Variants in TBC1D32 observed in about 807,000 individuals in gnomAD.
TBC1D32 encodes TBC1 domain family member 32, also known as protein broad-minded.
In TBC1D32, 151 loss-of-function variants were observed where a neutral mutation model predicts 170.3. The observed-to-expected ratio is 0.89, with a 90% confidence interval of 0.78 to 1.01. The LOEUF (loss-of-function observed/expected upper bound fraction) is 1.01. TBC1D32 is among the 50% of genes least tolerant of loss of function. The probability of loss-of-function intolerance (pLI) is 0.00; values close to 1 mark genes in which losing one functional copy is unlikely to be tolerated. For missense variants in TBC1D32, 1,464 were observed against 1,457.1 expected, an observed-to-expected ratio of 1.00 and a Z score of -0.08; for synonymous variants, 498 against 488.0, an observed-to-expected ratio of 1.02 and a Z score of -0.27.
chr6:121,206,018 T>C (rs1293344405), intron 21 of TBC1D32, among the ~76,000 whole-genome samples: 1 of 152,102 alleles, frequency 6.6e-6, no homozygotes, highest in African/African-American at 2.4e-5. Context: ...GAGACCAGCC[T>C]GGCCAACATG....
At chr6:121,235,433 G>T (rs957523477) in intron 20 of TBC1D32, among the ~76,000 whole-genome samples, 1 of 152,152 alleles carries the variant, frequency 6.6e-6, no homozygotes, top group African/African-American at 2.4e-5. Flanking sequence ...TGGCTGCTGT[G>T]GGGGATGGGT....
chr6:121,305,025 A>C (rs10499106), intron 5 of TBC1D32, among the ~76,000 whole-genome samples, 192 bp from the exon 6 acceptor site: 61,792 of 151,974 alleles, frequency 0.41, 15,839 homozygotes, highest in Non-Finnish European at 0.58. Context: ...ACCAAAACTA[A>C]TATGTGAATC....
intron 20 of TBC1D32, among the ~76,000 whole-genome samples, chr6:121,225,148 G>A (rs542066700): frequency 7.9e-5 from 12 of 152,058 alleles, no homozygotes; most frequent in African/African-American, 1.4e-4. Flanking sequence ...AGAAAAACTG[G>A]AGGGTTCATA....
At chr6:121,329,217 T>C (rs940411296) in intron 1 of TBC1D32, among the ~76,000 whole-genome samples, 1 of 144,760 alleles carries the variant, frequency 6.9e-6, no homozygotes, top group African/African-American at 2.7e-5. Context: ...AAAATGCAAT[T>C]TTTTTTTCTA....
At chr6:121,275,262 T>C (rs975992257) in intron 15 of TBC1D32, among the ~76,000 whole-genome samples, 2 of 152,328 alleles carry the variant, frequency 1.3e-5, no homozygotes, top group Non-Finnish European at 1.5e-5. Context: ...GCACATTACT[T>C]GATAATATAA....
At chr6:121,278,003 T>C (rs1802465481) in intron 15 of TBC1D32, among the ~76,000 whole-genome samples, 1 of 152,128 alleles carries the variant, frequency 6.6e-6, no homozygotes, top group Non-Finnish European at 1.5e-5. Flanking sequence ...ACAGATTTGA[T>C]AATTTAGATA....
chr6:121,216,610 C>T (rs985177561), intron 21 of TBC1D32, among the ~76,000 whole-genome samples: 9 of 152,170 alleles, frequency 5.9e-5, no homozygotes, highest in Non-Finnish European at 1.3e-4. Context: ...ATTTGACACT[C>T]CTGATTCACT....
At chr6:121,258,782 A>C (rs1799382706) in intron 15 of TBC1D32, among the ~76,000 whole-genome samples, 1 of 152,158 alleles carries the variant, frequency 6.6e-6, no homozygotes, top group Admixed American at 6.5e-5. Context: ...TTTTATAGAC[A>C]GCTCAGTGCT....
intron 21 of TBC1D32, among the ~76,000 whole-genome samples, chr6:121,205,780 C>T (rs757613040): frequency 9.2e-5 from 14 of 152,128 alleles, no homozygotes; most frequent in Non-Finnish European, 1.9e-4. Flanking sequence ...CTTTTAAAAG[C>T]TCCCTGTGAT....
At chr6:121,120,177 C>G (rs1280054825) in intron 26 of TBC1D32, among the ~76,000 whole-genome samples, 1 of 151,850 alleles carries the variant, frequency 6.6e-6, no homozygotes, top group Non-Finnish European at 1.5e-5. Context: ...CATTTTTTGG[C>G]TTTACTATAA....
intron 24 of TBC1D32, among the ~76,000 whole-genome samples, chr6:121,153,360 A>C (rs529300197): frequency 6.6e-6 from 1 of 152,192 alleles, no homozygotes; most frequent in East Asian, 1.9e-4. Context: ...GTTCCTTCTT[A>C]TGGAATCTTC....
chr6:121,205,032 G>T, intron 22 of TBC1D32, 43 bp downstream of exon 22: 1 of 1,141,936 alleles, frequency 8.8e-7, no homozygotes, highest in Non-Finnish European at 1.2e-6. Context: ...TATTTTTTGT[G>T]GAACATAAAA....
At chr6:121,320,823 A>G (rs531774038) in intron 2 of TBC1D32, among the ~76,000 whole-genome samples, 1 of 152,326 alleles carries the variant, frequency 6.6e-6, no homozygotes, top group East Asian at 1.9e-4. Flanking sequence ...AGTCATTAAT[A>G]TAAGCTCAGG....
At chr6:121,240,616 C>T (rs976367167) in intron 19 of TBC1D32, among the ~76,000 whole-genome samples, 1 of 151,334 alleles carries the variant, frequency 6.6e-6, no homozygotes, top group African/African-American at 2.4e-5. Flanking sequence ...TGGCCGGGTG[C>T]GGTGGTTCAC....
At chr6:121,293,109 A>C (rs1805109320) in intron 11 of TBC1D32, among the ~76,000 whole-genome samples, 1 of 151,804 alleles carries the variant, frequency 6.6e-6, no homozygotes, top group Non-Finnish European at 1.5e-5. Context: ...AAGAGAAATG[A>C]GCAAGAATTT....
chr6:121,329,390 T>C (rs969793190), intron 1 of TBC1D32, among the ~76,000 whole-genome samples: 2 of 152,200 alleles, frequency 1.3e-5, no homozygotes, highest in African/African-American at 4.8e-5. Flanking sequence ...GGCTCACACC[T>C]GTAATCCCAG....
intron 15 of TBC1D32, among the ~76,000 whole-genome samples, chr6:121,267,762 T>C (rs142017319): frequency 0.018 from 2,668 of 151,870 alleles, 29 homozygotes; most frequent in South Asian, 0.042. Context: ...TTGAAGAGAG[T>C]AGTGGTTCTC....
chr6:121,137,166 G>A (rs1782186244), intron 24 of TBC1D32, among the ~76,000 whole-genome samples: 1 of 152,004 alleles, frequency 6.6e-6, no homozygotes, highest in African/African-American at 2.4e-5. Context: ...AAATAAGAAA[G>A]TAATTTATAT....
chr6:121,099,183 C>G (rs763952539), intron 30 of TBC1D32, among the ~76,000 whole-genome samples: 8 of 151,726 alleles, frequency 5.3e-5, no homozygotes, highest in Admixed American at 4.6e-4. Context: ...ATATAATAAT[C>G]AAAGATGTGC....
Sources: allele counts gnomAD v4.1 joint callset (sites outside exome capture counted in the v4.1 genomes callset), GRCh38; gene constraint gnomAD v4.1.1; transcripts MANE v1.5; gene names NCBI Gene and HGNC (gene_info 2026-07-23, HGNC 2026-07-21).